Variants in CDH11 observed in about 807,000 individuals in gnomAD.
CDH11 encodes cadherin 11, also known as cadherin-11.
A neutral mutation model predicts 67.8 loss-of-function variants in CDH11; 11 were observed. That is an observed-to-expected ratio of 0.16 (90% CI 0.10 to 0.27). CDH11 has a LOEUF of 0.27. CDH11 is among the 10% of genes least tolerant of loss of function. The pLI is 1.00. For synonymous variants in CDH11, 419 were observed against 400.0 expected (o/e 1.05, Z -0.57); for missense variants, 847 against 1,031.2 (o/e 0.82, Z 2.45).
At chr16:64,960,608 A>C (rs2071646358) in intron 11 of CDH11, among the ~76,000 whole-genome samples, 1 of 152,074 alleles carries the variant, frequency 6.6e-6, no homozygotes, top group Non-Finnish European at 1.5e-5. Context: ...AGGAGGAGGG[A>C]TAGACAGGGG....
chr16:65,049,140 T>C (rs139300357), intron 2 of CDH11, among the ~76,000 whole-genome samples: 4 of 152,252 alleles, frequency 2.6e-5, no homozygotes, highest in African/African-American at 9.6e-5. Context: ...AACCTCACCA[T>C]TATGCAAAAT....
At chr16:65,057,301 G>A (rs1326997423) in intron 1 of CDH11, among the ~76,000 whole-genome samples, 3 of 152,068 alleles carry the variant, frequency 2.0e-5, no homozygotes, top group Non-Finnish European at 2.9e-5. Context: ...ACCTACTCTC[G>A]GGACTTCTCT....
chr16:65,029,385 A>G (rs1302936557), intron 2 of CDH11, among the ~76,000 whole-genome samples: 1 of 152,212 alleles, frequency 6.6e-6, no homozygotes, highest in Non-Finnish European at 1.5e-5. Flanking sequence ...TTTTAAGAAG[A>G]AAAGTCTCTT....
chr16:65,122,118 G>C (rs187299865), upstream of CDH11: 3,181 of 524,168 alleles, frequency 6.1e-3, 202 homozygotes, highest in East Asian at 0.077. Flanking sequence ...GGTGGCGGGC[G>C]GGCAGGCGGG....
chr16:65,105,210 T>C (rs1303350583), intron 1 of CDH11, among the ~76,000 whole-genome samples: 3 of 152,170 alleles, frequency 2.0e-5, no homozygotes, highest in African/African-American at 7.2e-5. Flanking sequence ...TTGCTGTTTG[T>C]TTATTTGTTT....
At chr16:65,106,949 T>C (rs2075075784) in intron 1 of CDH11, among the ~76,000 whole-genome samples, 1 of 151,766 alleles carries the variant, frequency 6.6e-6, no homozygotes, top group Non-Finnish European at 1.5e-5. Context: ...CTGAGAAAAG[T>C]CATGGGAAAA....
At chr16:65,020,135 C>T (rs1005842608) in intron 2 of CDH11, among the ~76,000 whole-genome samples, 3 of 152,158 alleles carry the variant, frequency 2.0e-5, no homozygotes, top group African/African-American at 7.2e-5. Context: ...CTCTTTCCAG[C>T]AAAGCCGGGG....
chr16:65,081,717 T>G (rs1175648484), intron 1 of CDH11, among the ~76,000 whole-genome samples: 1 of 152,336 alleles, frequency 6.6e-6, no homozygotes, highest in Non-Finnish European at 1.5e-5. Context: ...TTGTTTTGTT[T>G]TATCTTCCAA....
chr16:64,991,848 T>C lies in CDH11; in HGVS notation c.731A>G (p.His244Arg). 6.2e-7 allele frequency: 1 copy of C among 1,613,914 alleles called. No individual in the cohort carries two copies. The highest frequency in any genetic ancestry group is 8.5e-7 in the Non-Finnish European group (1 of 1,179,814). The change falls in exon 6 of 13, where the codon CAT becomes CGT. Residue 244 changes from histidine (H) to arginine (R), a missense_variant. Coordinates refer to ENST00000268603, the MANE Select transcript of CDH11 (RefSeq NM_001797.4). ...VVIQAKDMGG[H>R]MGGLSGTTKV... Reference sequence around the variant, plus strand: ...GGTTGTCCCTGAGAGTCCGCCCATATGTCCACCCATGTCCTTGGCCTGGAT... The same window carrying C: ...GGTTGTCCCTGAGAGTCCGCCCATACGTCCACCCATGTCCTTGGCCTGGAT...
intron 1 of CDH11, among the ~76,000 whole-genome samples, chr16:65,098,443 T>C (rs373406312): frequency 3.3e-5 from 5 of 152,210 alleles, no homozygotes; most frequent in Admixed American, 6.5e-5. Flanking sequence ...ACATGTGCTG[T>C]TGGGAATTTA....
chr16:64,975,786 A>G (rs1461757971), intron 8 of CDH11, among the ~76,000 whole-genome samples: 1 of 152,086 alleles, frequency 6.6e-6, no homozygotes, highest in African/African-American at 2.4e-5. Context: ...GATCAATCAT[A>G]CCCCCAACCT....
chr16:64,976,926 T>C (rs1304569686), intron 8 of CDH11, among the ~76,000 whole-genome samples: 1 of 151,692 alleles, frequency 6.6e-6, no homozygotes, highest in South Asian at 2.1e-4. Context: ...GGTGCAGTGG[T>C]TCATGCCTGA....
chr16:65,029,226 A>G (rs1191737681), intron 2 of CDH11, among the ~76,000 whole-genome samples: 2 of 152,190 alleles, frequency 1.3e-5, no homozygotes, highest in Non-Finnish European at 2.9e-5. Flanking sequence ...TAAGCAGAAT[A>G]TTGGCTTTTT....
chr16:64,996,830 G>T (rs2072779746), intron 4 of CDH11, among the ~76,000 whole-genome samples: 1 of 152,082 alleles, frequency 6.6e-6, no homozygotes, highest in African/African-American at 2.4e-5. Flanking sequence ...ATAACTGGAG[G>T]TATAAATGAA....
At chr16:65,104,046 G>C (rs1277155999) in intron 1 of CDH11, among the ~76,000 whole-genome samples, 4 of 152,120 alleles carry the variant, frequency 2.6e-5, no homozygotes, top group Admixed American at 2.6e-4. Context: ...CTGGGTTAAA[G>C]AGTTATCATG....
intron 1 of CDH11, among the ~76,000 whole-genome samples, chr16:65,057,720 G>C (rs913598390): frequency 4.6e-5 from 7 of 152,292 alleles, no homozygotes; most frequent in African/African-American, 1.7e-4. Context: ...GAGCAGCATA[G>C]CCCGAGGAGA....
chr16:65,081,854 T>C (rs16968437), intron 1 of CDH11, among the ~76,000 whole-genome samples: 10,427 of 152,278 alleles, frequency 0.068, 635 homozygotes, highest in African/African-American at 0.16. Flanking sequence ...GAAACATAGA[T>C]GTGATTTGTA....
chr16:65,076,004 A>G (rs2074502633), intron 1 of CDH11, among the ~76,000 whole-genome samples: 2 of 152,180 alleles, frequency 1.3e-5, no homozygotes, highest in Admixed American at 1.3e-4. Context: ...TGTAGGAAGA[A>G]GAAGGCAGCA....
chr16:65,057,489 C>T (rs945633849), intron 1 of CDH11, among the ~76,000 whole-genome samples: 9 of 152,228 alleles, frequency 5.9e-5, no homozygotes, highest in Non-Finnish European at 1.2e-4. Context: ...AAAGGAACAC[C>T]GTGAAGCCAG....
Sources: gnomAD v4.1 joint callset for allele counts (sites outside exome capture counted in the v4.1 genomes callset) on GRCh38, gnomAD v4.1.1 for gene constraint, MANE v1.5 for transcripts, NCBI Gene and HGNC (gene_info 2026-07-23, HGNC 2026-07-21) for gene names.